Variants in PROC observed in about 807,000 individuals in gnomAD.
PROC encodes the protein protein C, inactivator of coagulation factors Va and VIIIa, also known as vitamin K-dependent protein C.
Under a neutral mutation model 36.3 loss-of-function variants are expected in PROC, and 22 were observed. The observed-to-expected ratio is 0.61, with a 90% CI of 0.43 to 0.86. PROC has a LOEUF of 0.86. Among genes scored for constraint, PROC ranks in the 40% least tolerant of loss-of-function variants. The pLI is 0.00. For synonymous variants in PROC, 218 were observed against 244.5 expected (o/e 0.89, Z 1.01); for missense variants, 526 against 629.7 (o/e 0.84, Z 1.76).
Position 127,428,359 on chromosome 2 carries a change from G to C in PROC, c.799G>C (p.Glu267Gln). Residue 267 changes from glutamate to glutamine, a missense_variant and splice_region_variant, in exon 9 of 9, where the codon GAG (glutamate) becomes CAG (glutamine). By Grantham distance (29) the Glu-to-Gln change is conservative. Coordinates refer to ENST00000234071, the MANE Select transcript of PROC (RefSeq NM_000312.4). Reference sequence around the variant, plus strand: ...TGACTGTGCCCTCTGCCCTGCAGGAGAGTATGACCTGCGGCGCTGGGAGAA... The same window carrying C: ...TGACTGTGCCCTCTGCCCTGCAGGACAGTATGACCTGCGGCGCTGGGAGAA... ...ESKKLLVRLG[E>Q]YDLRRWEKWE... is the part of the protein sequence containing the mutation. 1 of 1,613,884 alleles carries C rather than the reference G, an allele frequency of 6.2e-7. No homozygotes were observed. The highest frequency in any genetic ancestry group is 2.2e-5 in the East Asian group (1 of 44,874).
At chr2:127,425,712 A>G (rs1008709109) in intron 6 of PROC, among the ~76,000 whole-genome samples, 2 of 151,782 alleles carry the variant, frequency 1.3e-5, no homozygotes, top group African/African-American at 2.4e-5. Context: ...ATTGGGTGGT[A>G]CTGTTTGTTG....
rs750358099 is a variant in PROC, at chr2:127,423,075, G to A, written c.304G>A (p.Ala102Thr). The A allele has an allele frequency of 2.5e-6, 4 of 1,611,738 alleles. No homozygotes were observed. Among genetic ancestry groups the A allele is most frequent in the Middle Eastern group, 1.7e-4 (1 of 6,058 alleles). The change falls in exon 5 of 9, where the codon GCC (alanine) becomes ACC (threonine). Residue 102 changes from alanine to threonine, a missense_variant. Coordinates refer to ENST00000234071, the MANE Select transcript of PROC (RefSeq NM_000312.4). The part of the protein sequence containing the change: ...CLVLPLEHPC[A>T]SLCCGHGTCI... Reference sequence around the variant, plus strand: ...GGTCTTGCCCTTGGAGCACCCGTGCGCCAGCCTGTGCTGCGGGCACGGCAC... The same window carrying A: ...GGTCTTGCCCTTGGAGCACCCGTGCACCAGCCTGTGCTGCGGGCACGGCAC...
chr2:127,425,210 C>A (rs1054813188), intron 6 of PROC, among the ~76,000 whole-genome samples: 1 of 152,232 alleles, frequency 6.6e-6, no homozygotes, highest in African/African-American at 2.4e-5. Flanking sequence ...TTCTGGGCGC[C>A]CCCATCACGG....
Position 127,426,275 on chromosome 2 carries a change from A to C in PROC, c.678+48A>C. On this transcript the variant is annotated intron_variant, in intron 7 of 8. Coordinates refer to ENST00000234071, the MANE Select transcript of PROC (RefSeq NM_000312.4). This position sits in a 1 kb window ranked among gnomAD's most constrained non-coding sequence, Gnocchi z 7.0. ...CTGCTCACGTGCTGGGTCCGGGATC[A>C]CTGAGTCCATCCTGGCAGCTATGCT... 6.2e-7 allele frequency: 1 copy of C among 1,612,908 alleles called. No individual in the cohort carries two copies. The highest frequency in any genetic ancestry group is 8.5e-7 in the Non-Finnish European group (1 of 1,179,398).
At position 127,426,234 on chromosome 2, in the gene PROC, G is replaced by A. The variant is rs1023531812; in HGVS notation, c.678+7G>A. 4 of 1,613,852 alleles carry A rather than the reference G, an allele frequency of 2.5e-6. No individual in the cohort carries two copies. Among genetic ancestry groups the A allele is most frequent in the African/African-American group, 2.7e-5 (2 of 74,926 alleles). On this transcript the variant is annotated splice_region_variant and intron_variant, in intron 7 of 8. Coordinates refer to ENST00000234071, the MANE Select transcript of PROC (RefSeq NM_000312.4). This position sits in a 1 kb window ranked among gnomAD's most constrained non-coding sequence, Gnocchi z 7.0. ...GGGAGACAGCCCCTGGCAGGTGGGA[G>A]GCGAGGCAGCACCGGCTGCTCACGT...
rs121918150 is a variant in PROC, at chr2:127,428,560, G to A, written c.1000G>A (p.Gly334Ser). The change falls in exon 9 of 9, where the codon GGC (glycine) becomes AGC (serine). Residue 334 changes from glycine (G) to serine (S), a missense_variant. Transcript: ENST00000234071. Reference sequence around the variant, plus strand: ...TGCAGAGCGCGAGCTCAATCAGGCCGGCCAGGAGACCCTCGTGACGGGCTG... The same window carrying A: ...TGCAGAGCGCGAGCTCAATCAGGCCAGCCAGGAGACCCTCGTGACGGGCTG... The part of the protein sequence containing the change: ...GLAERELNQA[G>S]QETLVTGWGY... 7.4e-6 allele frequency: 12 copies of A among 1,613,770 alleles called. No homozygotes were observed. Among genetic ancestry groups the A allele is most frequent in the African/African-American group, 4.0e-5 (3 of 74,952 alleles).
intron 2 of PROC, 85 bp downstream of exon 2, chr2:127,420,097 A>G: frequency 5.5e-6 from 8 of 1,455,284 alleles, no homozygotes; most frequent in Non-Finnish European, 7.7e-6. Context: ...CACAGCTTCC[A>G]CCATCTCTCT....
chr2:127,420,668 GC>G (rs1424946882), intron 2 of PROC, among the ~76,000 whole-genome samples: 1 of 151,998 alleles, frequency 6.6e-6, no homozygotes, highest in African/African-American at 2.4e-5. Flanking sequence ...TCCTAACTGT[GC>G]CCTGCACCCA....
At chr2:127,422,893 T>C (rs1573441893) in intron 3 of PROC, 24 bp from the exon 4 acceptor site, 1 of 1,553,068 alleles carries the variant, frequency 6.4e-7, no homozygotes, top group Non-Finnish European at 8.7e-7. Flanking sequence ...TGCAGGAGCC[T>C]GACGCTGCCC....
chr2:127,424,220 T>TG (rs1217393770), intron 6 of PROC, among the ~76,000 whole-genome samples: 193 of 152,178 alleles, frequency 1.3e-3, no homozygotes, highest in African/African-American at 4.4e-3. Flanking sequence ...TTTTTTGAGA[T>TG]GGAGTTTCAC....
In PROC at chr2:127,420,094, TCCA is replaced by T; in HGVS notation, c.70+86_70+88del. On this transcript the variant is annotated intron_variant, in intron 2 of 8. Transcript: ENST00000234071. ...GGCATCTGCCCAGGCCTTCACAGCT[TCCA>T]CCATCTCTCTGAGCCCTGGGTGAGG... 3.4e-6 allele frequency: 5 copies of T among 1,462,116 alleles called. No homozygotes were observed. The South Asian group carries it at 5.8e-5, about 17-fold the overall frequency. 90.6% of individuals were successfully genotyped at this position (1,462,116 alleles called of 1,614,324 possible).
In PROC at chr2:127,427,280, C is replaced by G; in HGVS notation, c.796+58C>G. 4 of 1,481,688 alleles carry G rather than the reference C, an allele frequency of 2.7e-6. No homozygotes were observed. In the South Asian group the frequency reaches 4.5e-5, roughly 17 times the overall value. The allele number at this position is 1,481,688 out of a possible 1,614,324, so 91.8% of individuals were successfully genotyped here. A position where few individuals can be genotyped will look rare whatever the true frequency, so the allele number is the denominator to read the frequency against. ...CAGAGGCCTGGGTAGGGGGACCAGGCAGGCTGTTCAGGTTTGGGGGACCCC... is the reference window on the plus strand; with the variant it reads ...CAGAGGCCTGGGTAGGGGGACCAGGGAGGCTGTTCAGGTTTGGGGGACCCC... On this transcript the variant is annotated intron_variant, in intron 8 of 8. Transcript: ENST00000234071.
At chr2:127,422,699 G>A (rs1688173793) in intron 3 of PROC, among the ~76,000 whole-genome samples, 1 of 152,048 alleles carries the variant, frequency 6.6e-6, no homozygotes, top group Admixed American at 6.5e-5. Context: ...TTGCTCCAGG[G>A]ACGTGGGATG....
chr2:127,427,178 C>T lies in PROC; in HGVS notation c.752C>T (p.Ala251Val), dbSNP rs568121876. ...VLIHPSWVLT[A>V]AHCMDESKKL... ...ATCCACCCCTCCTGGGTGCTGACAG[C>T]GGCCCACTGCATGGATGAGTCCAAG... Residue 251 changes from alanine (A) to valine (V), a missense_variant, in exon 8 of 9, where the codon GCG becomes GTG. Coordinates refer to ENST00000234071, the MANE Select transcript of PROC (RefSeq NM_000312.4). 181 of 1,613,604 alleles carry T rather than the reference C, an allele frequency of 1.1e-4. 1 individual carries two copies. The South Asian group carries it at 1.6e-3, about 14-fold the overall frequency.
At chr2:127,423,204 G>T (rs759194129) in intron 5 of PROC, 33 bp downstream of exon 5, 1 of 1,517,144 alleles carries the variant, frequency 6.6e-7, no homozygotes, top group African/African-American at 1.4e-5. Flanking sequence ...GGCGGGCGGC[G>T]GGGCGGGGCT....
rs931698797 is a variant in PROC at position 127,427,280 on chromosome 2, C to T, written c.796+58C>T. On this transcript the variant is annotated intron_variant, in intron 8 of 8. Coordinates refer to ENST00000234071, the MANE Select transcript of PROC (RefSeq NM_000312.4). ...CAGAGGCCTGGGTAGGGGGACCAGG[C>T]AGGCTGTTCAGGTTTGGGGGACCCC... The T allele has an allele frequency of 3.4e-6, 5 of 1,481,688 alleles. No homozygotes were observed. The South Asian group carries it at 5.7e-5, about 17-fold the overall frequency. 91.8% of individuals were successfully genotyped at this position (1,481,688 alleles called of 1,614,324 possible). A position where few individuals can be genotyped will look rare whatever the true frequency, so the allele number is the denominator to read the frequency against.
intron 6 of PROC, among the ~76,000 whole-genome samples, chr2:127,425,020 G>A (rs1265925391): frequency 1.3e-5 from 2 of 152,216 alleles, no homozygotes; most frequent in Admixed American, 1.3e-4. Context: ...TTCCTGAAGC[G>A]GGGCCTGAAG....
chr2:127,427,240 G>T lies in PROC; in HGVS notation c.796+18G>T. 1 of 1,604,334 alleles carries T rather than the reference G, an allele frequency of 6.2e-7. No homozygotes were observed. ...CAGGCTTGGTATGGGCTGGAGCCAG[G>T]CAGAAGGGGGCTGCCAGAGGCCTGG... On this transcript the variant is annotated intron_variant, in intron 8 of 8. Coordinates refer to ENST00000234071, the MANE Select transcript of PROC (RefSeq NM_000312.4).
chr2:127,422,795 G>T (rs1044076219), intron 3 of PROC, 122 bp from the exon 4 acceptor site: 9 of 1,368,372 alleles, frequency 6.6e-6, no homozygotes, highest in Non-Finnish European at 9.0e-6. Context: ...ATCGGGCGTC[G>T]ATCCCTGTTT....
Sources: gnomAD v4.1 joint callset for allele counts (sites outside exome capture counted in the v4.1 genomes callset) on GRCh38, gnomAD v4.1.1 for gene constraint, Gnocchi (gnomAD v3.1) non-coding constraint, MANE v1.5 for transcripts, NCBI Gene and HGNC (gene_info 2026-07-23, HGNC 2026-07-21) for gene names.